Variants in GAREM2 observed in about 807,000 individuals in gnomAD.
GAREM2 encodes GRB2-associated and regulator of MAPK protein 2.
GAREM2 carries 30 observed loss-of-function variants against 55.6 expected under a neutral mutation model. The observed-to-expected ratio is 0.54, with a 90% confidence interval of 0.40 to 0.73. The LOEUF (loss-of-function observed/expected upper bound fraction) is 0.73. Ranked by LOEUF, GAREM2 falls within the 30% of genes least tolerant of loss-of-function variation. The pLI is 0.00. For missense variants in GAREM2, 1,075 were observed against 1,257.7 expected (o/e 0.85, Z 2.20); for synonymous variants, 550 against 569.1 (o/e 0.97, Z 0.48).
At chr2:26,194,466 G>A (rs536948255), downstream of GAREM2, 277 of 790,444 alleles carry the variant, frequency 3.5e-4, no homozygotes, top group Non-Finnish European at 5.2e-4. Flanking sequence ...AAGAGCAGGA[G>A]TTGGTGTATC....
intron 2 of GAREM2, among the ~76,000 whole-genome samples, chr2:26,177,320 C>T (rs1668894370): frequency 6.6e-6 from 1 of 152,174 alleles, no homozygotes; most frequent in African/African-American, 2.4e-5. Context: ...CCAGAGACGT[C>T]CCCGTGTGAG....
the GAREM2 span, chr2:26,201,007 T>C: frequency 9.7e-6 from 7 of 723,612 alleles, no homozygotes; most frequent in South Asian, 4.6e-5. Context: ...ACTGGGATTA[T>C]AGGCGTGAGC....
intron 1 of GAREM2, 46 bp from the exon 2 acceptor site, chr2:26,176,298 T>G: frequency 6.8e-7 from 1 of 1,471,280 alleles, no homozygotes; most frequent in Non-Finnish European, 9.1e-7. Context: ...CCTTCTAATG[T>G]CCTGTCTTCC....
chr2:26,191,723 G>A, downstream of GAREM2: 1 of 1,300,768 alleles, frequency 7.7e-7, no homozygotes, highest in Non-Finnish European at 1.1e-6. Context: ...TGGGTGCATG[G>A]GGAGCTCTGT....
At position 26,184,296 on chromosome 2, in the gene GAREM2, G is replaced by A; in HGVS notation, c.448G>A (p.Glu150Lys). The A allele has an allele frequency of 6.4e-7, 1 of 1,551,082 alleles. No individual in the cohort carries two copies. The highest frequency in any genetic ancestry group is 1.2e-5 in the South Asian group (1 of 84,066). Reference sequence around the variant, plus strand: ...CAACTTCACGCTGCATGCGGGCGACGAGCTCACTCTTATGGGCCAGGCGGA... The same window carrying A: ...CAACTTCACGCTGCATGCGGGCGACAAGCTCACTCTTATGGGCCAGGCGGA... ...VYNFTLHAGD[E>K]LTLMGQAEIL... The change falls in exon 4 of 6, where the codon GAG becomes AAG. Residue 150 changes from glutamate to lysine, a missense_variant. Transcript: ENST00000401533.
chr2:26,187,943 C>T lies in GAREM2; in HGVS notation c.2311C>T (p.Leu771Phe). 2.8e-6 allele frequency: 4 copies of T among 1,451,642 alleles called. No homozygotes were observed. Among genetic ancestry groups the T allele is most frequent in the Non-Finnish European group, 3.6e-6 (4 of 1,097,674 alleles). The allele number at this position is 1,451,642 out of a possible 1,614,324, so 89.9% of individuals were successfully genotyped here. Residue 771 changes from leucine to phenylalanine, a missense_variant, in exon 6 of 6, where the codon CTT (leucine) becomes TTT (phenylalanine). Coordinates refer to ENST00000401533, the MANE Select transcript of GAREM2 (RefSeq NM_001168241.2). ...ALQGPEAGGA[L>F]FLTQGRLEGP... Reference sequence around the variant, plus strand: ...GCAGGGACCCGAGGCGGGAGGAGCACTTTTTCTAACCCAAGGGCGCCTGGA... The same window carrying T: ...GCAGGGACCCGAGGCGGGAGGAGCATTTTTTCTAACCCAAGGGCGCCTGGA...
At chr2:26,192,830 A>G (rs1214440610), downstream of GAREM2, among the ~76,000 whole-genome samples, 1 of 152,212 alleles carries the variant, frequency 6.6e-6, no homozygotes, top group Non-Finnish European at 1.5e-5. Flanking sequence ...GAATTCCTGA[A>G]TTTGTATGTC....
chr2:26,190,492 AGCCCTGCTAT>A (rs1669459231), downstream of GAREM2: 1 of 152,510 alleles, frequency 6.6e-6, no homozygotes, highest in South Asian at 2.1e-4. Context: ...TTTCTGGGGC[AGCCCTGCTAT>A]GCAGGATCTC....
In GAREM2 at chr2:26,185,282, T is replaced by C. The variant is rs372236038; in HGVS notation, c.1428+6T>C. 7.9e-4 allele frequency: 1,192 copies of C among 1,501,798 alleles called. 15 individuals are homozygous for C. In the South Asian group the frequency reaches 0.014, roughly 17 times the overall value. 93.0% of individuals were successfully genotyped at this position (1,501,798 alleles called of 1,614,324 possible). On this transcript the variant is annotated splice_donor_region_variant and intron_variant, in intron 4 of 5. Transcript: ENST00000401533. ...TCCCTCCCAAATCCGAGGCGGTGAG[T>C]GAGCGCGCTGGGGGCCGAGTCCCGG...
intron 4 of GAREM2, 71 bp downstream of exon 4, chr2:26,185,347 C>T (rs1056062030): frequency 2.8e-5 from 39 of 1,417,424 alleles, no homozygotes; most frequent in Non-Finnish European, 3.4e-5. Context: ...TGGGCCCCGG[C>T]CCCGGAGTAT....
chr2:26,186,337 ACTC>A lies in GAREM2; in HGVS notation c.1581_1583del (p.Ser528del), dbSNP rs893954675. ...TCCCCCAGCTCCAGCCTCTCCTACT[ACTC>A]CTCTGGCCTCCAGGATGGGTGAGTC... On this transcript the variant is annotated inframe_deletion, in exon 5 of 6. Transcript: ENST00000401533. 1.9e-6 allele frequency: 3 copies of A among 1,549,962 alleles called. No individual in the cohort carries two copies. Among genetic ancestry groups the A allele is most frequent in the African/African-American group, 2.8e-5 (2 of 72,364 alleles).
chr2:26,204,222 T>C, the GAREM2 span: 4 of 1,610,842 alleles, frequency 2.5e-6, no homozygotes, highest in African/African-American at 5.3e-5. Context: ...GAAATGACTT[T>C]CGGTAAACTG....
intron 1 of GAREM2, 100 bp from the exon 2 acceptor site, chr2:26,176,244 G>C (rs957379413): frequency 1.7e-6 from 2 of 1,186,130 alleles, no homozygotes; most frequent in Non-Finnish European, 1.1e-6. Flanking sequence ...CTGTCCCTCA[G>C]GGGGGCGGTC....
At chr2:26,203,963 GAACA>G in the GAREM2 span, 45 of 1,187,986 alleles carry the variant, frequency 3.8e-5, no homozygotes, top group South Asian at 2.8e-4. Context: ...GTGATGGCAA[GAACA>G]AACAAACAAA....
At chr2:26,196,952 C>T in the GAREM2 span, among the ~76,000 whole-genome samples, 2 of 152,152 alleles carry the variant, frequency 1.3e-5, no homozygotes, top group African/African-American at 2.4e-5. Context: ...CTGCTGTGTG[C>T]TAGGAAACTA....
chr2:26,192,693 C>T (rs1574601489), downstream of GAREM2, among the ~76,000 whole-genome samples: 1 of 152,038 alleles, frequency 6.6e-6, no homozygotes, highest in Admixed American at 6.6e-5. Context: ...CGAGATTATG[C>T]CACTGCACTC....
chr2:26,187,721 G>C lies in GAREM2; in HGVS notation c.2089G>C (p.Val697Leu). Residue 697 changes from valine (V) to leucine (L), a missense_variant, in exon 6 of 6, where the codon GTC becomes CTC. Physicochemically the swap from Val to Leu is conservative, Grantham distance 32 (BLOSUM62 1). This residue lies in a region of GAREM2 where 515 missense variants were observed against 501.5 expected (regional missense o/e 1.03). Coordinates refer to ENST00000401533, the MANE Select transcript of GAREM2 (RefSeq NM_001168241.2). ...SSSSSEWQEP[V>L]LEPFDPFELG... ...CTCTTCTTCTGAATGGCAGGAACCAGTCCTGGAGCCCTTCGATCCCTTTGA... is the reference window on the plus strand; with the variant it reads ...CTCTTCTTCTGAATGGCAGGAACCACTCCTGGAGCCCTTCGATCCCTTTGA... 1 of 1,471,408 alleles carries C rather than the reference G, an allele frequency of 6.8e-7. No individual in the cohort carries two copies. The highest frequency in any genetic ancestry group is 9.0e-7 in the Non-Finnish European group (1 of 1,107,488). 91.1% of individuals were successfully genotyped at this position (1,471,408 alleles called of 1,614,324 possible).
chr2:26,195,224 G>T, the GAREM2 span: 15 of 1,612,758 alleles, frequency 9.3e-6, no homozygotes, highest in Non-Finnish European at 1.3e-5. Flanking sequence ...AGTAGTGCAT[G>T]CCAATCACCT....
chr2:26,182,990 G>T lies in GAREM2; in HGVS notation c.277G>T (p.Ala93Ser), dbSNP rs1428221762. 6.4e-7 allele frequency: 1 copy of T among 1,551,718 alleles called. No individual in the cohort carries two copies. Among genetic ancestry groups the T allele is most frequent in the South Asian group, 1.2e-5 (1 of 84,066 alleles). Residue 93 changes from alanine (A) to serine (S), a missense_variant, in exon 3 of 6, where the codon GCC becomes TCC. Physicochemically the swap from Ala to Ser is moderately conservative, Grantham distance 99. This residue lies in a region of GAREM2 where 230 missense variants were observed against 310.6 expected (regional missense o/e 0.74). Coordinates refer to ENST00000401533, the MANE Select transcript of GAREM2 (RefSeq NM_001168241.2). ...YPGKFKLLEQ[A>S]RDVREPVRYF... ...AGGGAAGTTCAAGCTCCTGGAACAG[G>T]CCCGGGATGTGCGGGAGCCAGTGAG...
Sources: allele counts gnomAD v4.1 joint callset (sites outside exome capture counted in the v4.1 genomes callset), GRCh38; gene constraint gnomAD v4.1.1; regional missense constraint gnomAD v4.1.1; transcripts MANE v1.5; gene names NCBI Gene and HGNC (gene_info 2026-07-23, HGNC 2026-07-21).